The following CDH6 variants were observed in gnomAD, a reference collection of about 807,000 sequenced individuals.
The protein encoded by CDH6 is cadherin 6.
CDH6 carries 31 observed loss-of-function variants against 78.0 expected under a neutral mutation model. That is an observed-to-expected ratio of 0.40 (90% CI 0.30 to 0.54). The LOEUF is 0.54. CDH6 is among the 20% of genes least tolerant of loss of function. The pLI, the probability that CDH6 is intolerant of heterozygous loss-of-function variation, is 0.56. For missense variants in CDH6, 724 were observed against 975.9 expected, an observed-to-expected ratio of 0.74 and a Z score of 3.44; for synonymous variants, 376 against 368.8, an observed-to-expected ratio of 1.02 and a Z score of -0.23.
At chr5:31,195,709 A>G (rs1258618040) in intron 1 of CDH6, among the ~76,000 whole-genome samples, 2 of 152,194 alleles carry the variant, frequency 1.3e-5, no homozygotes, top group African/African-American at 4.8e-5. Context: ...CTTAAAAGAA[A>G]CCCAACAATT....
intron 1 of CDH6, among the ~76,000 whole-genome samples, chr5:31,244,580 C>T (rs1018743701): frequency 1.3e-5 from 2 of 152,072 alleles, no homozygotes; most frequent in African/African-American, 4.8e-5. Context: ...TTCAGGTGAC[C>T]GAGCCAGGAG....
intron 1 of CDH6, among the ~76,000 whole-genome samples, chr5:31,239,783 AAG>A (rs1257810055): frequency 1.3e-5 from 2 of 152,196 alleles, no homozygotes; most frequent in African/African-American, 4.8e-5. Context: ...TGTCTATTAG[AAG>A]AGTCACAGAG....
At chr5:31,221,095 C>T (rs967130509) in intron 1 of CDH6, among the ~76,000 whole-genome samples, 5 of 152,094 alleles carry the variant, frequency 3.3e-5, no homozygotes, top group Non-Finnish European at 7.4e-5. Context: ...GAGCAGAATT[C>T]GATTTAATAA....
chr5:31,242,530 C>T (rs1208395408), intron 1 of CDH6, among the ~76,000 whole-genome samples: 2 of 152,104 alleles, frequency 1.3e-5, no homozygotes, highest in Non-Finnish European at 2.9e-5. Context: ...GGGTGGCTCA[C>T]CATAACAGTG....
At chr5:31,280,286 G>A (rs1173455773) in intron 2 of CDH6, among the ~76,000 whole-genome samples, 1 of 152,202 alleles carries the variant, frequency 6.6e-6, no homozygotes, top group Non-Finnish European at 1.5e-5. Flanking sequence ...TGATAATATT[G>A]TCTCGCATTG....
intron 1 of CDH6, among the ~76,000 whole-genome samples, chr5:31,245,884 T>C (rs949114205): frequency 2.6e-5 from 4 of 151,072 alleles, no homozygotes; most frequent in African/African-American, 9.7e-5. Context: ...AACATTTTCT[T>C]TTCTCTCTCT....
chr5:31,198,697 A>G (rs1409993662), intron 1 of CDH6, among the ~76,000 whole-genome samples: 1 of 152,126 alleles, frequency 6.6e-6, no homozygotes, highest in Non-Finnish European at 1.5e-5. Context: ...AAATTTTTAC[A>G]GCAGAGGGAA....
chr5:31,272,091 G>A (rs1033616735), intron 2 of CDH6, among the ~76,000 whole-genome samples: 8 of 152,176 alleles, frequency 5.3e-5, no homozygotes, highest in Admixed American at 5.2e-4. Context: ...AGGCTCTGGG[G>A]GCTCAGCAGA....
intron 2 of CDH6, among the ~76,000 whole-genome samples, chr5:31,290,659 T>A (rs748670942): frequency 5.9e-5 from 9 of 152,130 alleles, no homozygotes; most frequent in Non-Finnish European, 8.8e-5. Context: ...TGTCTTATGT[T>A]TCCTTTTTTT....
chr5:31,259,747 G>A (rs1371749679), intron 1 of CDH6, among the ~76,000 whole-genome samples: 1 of 152,110 alleles, frequency 6.6e-6, no homozygotes, highest in African/African-American at 2.4e-5. Flanking sequence ...GAAAAGACAG[G>A]GTCCACGTGC....
At chr5:31,285,980 G>A (rs1479415373) in intron 2 of CDH6, among the ~76,000 whole-genome samples, 5 of 152,284 alleles carry the variant, frequency 3.3e-5, no homozygotes, top group South Asian at 4.1e-4. Flanking sequence ...TTTCAGGAAC[G>A]TATATTTTTG....
intron 1 of CDH6, among the ~76,000 whole-genome samples, chr5:31,202,567 C>T (rs1167846033): frequency 4.0e-5 from 6 of 151,810 alleles, no homozygotes; most frequent in Non-Finnish European, 8.8e-5. Context: ...ACCCAGGAGG[C>T]GGAGGTTGCA....
intron 7 of CDH6, among the ~76,000 whole-genome samples, chr5:31,310,544 G>A (rs914894891): frequency 1.3e-5 from 2 of 152,104 alleles, no homozygotes; most frequent in African/African-American, 2.4e-5. Context: ...CTGTGTGGGG[G>A]CTCCAACCCC....
rs1322888781 is a variant in CDH6 at position 31,323,258 on chromosome 5, A to G, written c.2323A>G (p.Lys775Glu). 1.9e-6 allele frequency: 3 copies of G among 1,614,002 alleles called. No homozygotes were observed. The highest frequency in any genetic ancestry group is 2.2e-5 in the East Asian group (1 of 44,894). The change falls in exon 12 of 12, where the codon AAA becomes GAA. Residue 775 changes from lysine to glutamate, a missense_variant. Physicochemically the swap from Lys to Glu is moderately conservative, Grantham distance 56 (BLOSUM62 1). Transcript: ENST00000265071. The part of the protein sequence containing the change: ...DYLSDWGPRF[K>E]KLADMYGGVD... ...CCTTAGTGACTGGGGACCTCGATTC[A>G]AAAAGCTTGCAGATATGTATGGAGG... is the stretch of plus-strand genomic sequence containing the variant.
At chr5:31,314,451 C>T (rs1461648940) in intron 8 of CDH6, among the ~76,000 whole-genome samples, 2 of 151,326 alleles carry the variant, frequency 1.3e-5, no homozygotes, top group Non-Finnish European at 2.9e-5. Context: ...TGAAATAGTC[C>T]ATATCGAATA....
At position 31,233,501 on chromosome 5, in the gene CDH6, T is replaced by C. The variant is rs74842587; in HGVS notation, c.-128-33845T>C. Among the ~76,000 whole-genome samples, 1,003 of 122,772 alleles carry C rather than the reference T, an allele frequency of 8.2e-3. 74 individuals are homozygous for C. In the East Asian group the frequency reaches 0.17, roughly 21 times the overall value. The allele number at this position is 122,772 out of a possible 152,430, so 80.5% of individuals were successfully genotyped here. ...CTGCACTCCAGCTGGCATGACAGAG[T>C]GGGACTCTGTCTCAAAAAAAAAAAA... On this transcript the variant is annotated intron_variant, in intron 1 of 11. Coordinates refer to ENST00000265071, the MANE Select transcript of CDH6 (RefSeq NM_004932.4).
rs115940251 is a variant in CDH6 at position 31,305,482 on chromosome 5, A to C, written c.1253+55A>C. On this transcript the variant is annotated intron_variant, in intron 7 of 11. Coordinates refer to ENST00000265071, the MANE Select transcript of CDH6 (RefSeq NM_004932.4). ...CATAAGCTTCAGTCAATTTATATTC[A>C]AATATCTGCCTGCACTTGAGAAAAG... The C allele has an allele frequency of 1.5e-4, 227 of 1,539,592 alleles. 1 individual carries two copies. In the African/African-American group the frequency reaches 2.8e-3, roughly 19 times the overall value.
chr5:31,213,790 T>A (rs1740785350), intron 1 of CDH6, among the ~76,000 whole-genome samples: 1 of 152,068 alleles, frequency 6.6e-6, no homozygotes, highest in Non-Finnish European at 1.5e-5. Context: ...CCCAGCCCTA[T>A]CTGATTTGTC....
chr5:31,241,398 T>G (rs920863946), intron 1 of CDH6, among the ~76,000 whole-genome samples: 1 of 152,224 alleles, frequency 6.6e-6, no homozygotes, highest in Non-Finnish European at 1.5e-5. Context: ...GTATTCCTCA[T>G]GGATGGAATA....
Sources: allele counts gnomAD v4.1 joint callset (sites outside exome capture counted in the v4.1 genomes callset), GRCh38; gene constraint gnomAD v4.1.1; transcripts MANE v1.5; gene names NCBI Gene and HGNC (gene_info 2026-07-23, HGNC 2026-07-21).